The following RALGAPA1 variants were observed in gnomAD, a reference collection of about 807,000 sequenced individuals.
RALGAPA1 encodes the protein Ral GTPase activating protein catalytic subunit alpha 1.
A neutral mutation model predicts 269.6 loss-of-function variants in RALGAPA1; 52 were observed. The ratio of observed to expected loss-of-function variants is 0.19; its 90% CI spans 0.15 to 0.24. The LOEUF (loss-of-function observed/expected upper bound fraction) is 0.24, where lower values mean the gene tolerates loss of function less well. Ranked by LOEUF, RALGAPA1 falls within the 10% of genes least tolerant of loss-of-function variation. RALGAPA1 has a pLI of 1.00. For synonymous variants in RALGAPA1, 817 were observed against 1,008.3 expected (o/e 0.81, Z 3.60); for missense variants, 1,917 against 3,013.9 (o/e 0.64, Z 8.52).
chr14:35,682,443 C>T (rs569726076), intron 21 of RALGAPA1, among the ~76,000 whole-genome samples: 7 of 151,824 alleles, frequency 4.6e-5, no homozygotes, highest in East Asian at 1.9e-4. Context: ...TGGGACTATA[C>T]GCGCCCGCCA....
chr14:35,623,955 CAAGT>C (rs1033200677), intron 35 of RALGAPA1, among the ~76,000 whole-genome samples: 3 of 151,658 alleles, frequency 2.0e-5, no homozygotes, highest in Admixed American at 1.3e-4. Context: ...TGGTGGCGGG[CAAGT>C]GCCTGTAGTC....
intron 1 of RALGAPA1, among the ~76,000 whole-genome samples, chr14:35,802,767 G>C (rs555822259): frequency 6.6e-6 from 1 of 150,476 alleles, no homozygotes; most frequent in Non-Finnish European, 1.5e-5. Flanking sequence ...TTGCAACCTC[G>C]ACCTCCCAGG....
At chr14:35,646,272 G>A (rs186878009) in intron 31 of RALGAPA1, among the ~76,000 whole-genome samples, 25 of 152,248 alleles carry the variant, frequency 1.6e-4, no homozygotes, top group African/African-American at 6.0e-4. Flanking sequence ...TCAAAGTATT[G>A]TCTTACAAAT....
chr14:35,751,970 G>A lies in RALGAPA1; in HGVS notation c.802+54C>T, dbSNP rs984769829. 3 of 1,539,012 alleles carry A rather than the reference G, an allele frequency of 1.9e-6. No homozygotes were observed. The East Asian group carries it at 7.0e-5, about 36-fold the overall frequency. The stretch of plus-strand genomic sequence containing the variant: ...GTAACAAATGCCAACTTTACAGTAA[G>A]AGATTATTTTACTCTTAAGTGTGAT... On this transcript the variant is annotated intron_variant, in intron 8 of 41. Coordinates refer to ENST00000680220, the MANE Select transcript of RALGAPA1 (RefSeq NM_001346249.2).
At chr14:35,663,707 AGCCTCCC>A (rs908881709) in intron 27 of RALGAPA1, among the ~76,000 whole-genome samples, 1 of 150,672 alleles carries the variant, frequency 6.6e-6, no homozygotes, top group African/African-American at 2.5e-5. Flanking sequence ...CTCCTGCCTC[AGCCTCCC>A]GAGTAGCTGG....
At chr14:35,559,177 A>G (rs1313200336) in intron 39 of RALGAPA1, among the ~76,000 whole-genome samples, 1 of 152,196 alleles carries the variant, frequency 6.6e-6, no homozygotes, top group Non-Finnish European at 1.5e-5. Context: ...AAGAAAATGG[A>G]TAGATTTGTG....
Position 35,775,754 on chromosome 14 carries a change from TAA to T in RALGAPA1, c.107-11_107-10del. 1.3e-6 allele frequency: 2 copies of T among 1,519,670 alleles called. No individual in the cohort carries two copies. Among genetic ancestry groups the T allele is most frequent in the Non-Finnish European group, 8.8e-7 (1 of 1,141,046 alleles). 94.1% of individuals were successfully genotyped at this position (1,519,670 alleles called of 1,614,324 possible). ...AATAGATTCTGCATTCTCTGAAAAA[TAA>T]AAAAAAATTACTGATTATTTACATG... On this transcript the variant is annotated splice_polypyrimidine_tract_variant and intron_variant, in intron 1 of 41. Transcript: ENST00000680220.
At chr14:35,791,802 A>G (rs1382685395) in intron 1 of RALGAPA1, among the ~76,000 whole-genome samples, 1 of 146,538 alleles carries the variant, frequency 6.8e-6, no homozygotes, top group Non-Finnish European at 1.5e-5. Flanking sequence ...GCTACTCAGG[A>G]GGCTGAGGCA....
intron 41 of RALGAPA1, among the ~76,000 whole-genome samples, chr14:35,541,317 T>C (rs1017384937): frequency 4.6e-5 from 7 of 152,026 alleles, no homozygotes; most frequent in East Asian, 1.9e-4. Flanking sequence ...AGTGCTGGGA[T>C]TGCAGGCGTG....
intron 16 of RALGAPA1, among the ~76,000 whole-genome samples, chr14:35,708,223 C>T (rs1284686172): frequency 6.6e-6 from 1 of 151,928 alleles, no homozygotes; most frequent in African/African-American, 2.4e-5. Flanking sequence ...AAATAATATC[C>T]CCAGGCAACC....
intron 36 of RALGAPA1, among the ~76,000 whole-genome samples, chr14:35,596,844 G>A (rs2058958233): frequency 6.6e-6 from 1 of 152,046 alleles, no homozygotes; most frequent in South Asian, 2.1e-4. Flanking sequence ...AATATTATCT[G>A]CATATATAAT....
intron 39 of RALGAPA1, among the ~76,000 whole-genome samples, chr14:35,559,660 T>C (rs1054086185): frequency 2.0e-5 from 3 of 152,232 alleles, no homozygotes; most frequent in Non-Finnish European, 4.4e-5. Flanking sequence ...CAGATTGGCA[T>C]ATGTGGACCA....
intron 1 of RALGAPA1, 77 bp downstream of exon 1, chr14:35,808,649 CGAGA>C: frequency 6.8e-7 from 1 of 1,469,952 alleles, no homozygotes; most frequent in Non-Finnish European, 9.3e-7. Flanking sequence ...CGCCAGGTCC[CGAGA>C]GAGAGTCCGC....
chr14:35,681,479 C>T (rs373412898), intron 21 of RALGAPA1, among the ~76,000 whole-genome samples: 4 of 148,980 alleles, frequency 2.7e-5, no homozygotes, highest in Admixed American at 2.6e-4. Context: ...TCTCCATATA[C>T]ATCATTTTAT....
intron 35 of RALGAPA1, among the ~76,000 whole-genome samples, chr14:35,624,026 G>A (rs1464955197): frequency 6.6e-6 from 1 of 151,516 alleles, no homozygotes; most frequent in African/African-American, 2.4e-5. Flanking sequence ...GGCGGAGGTT[G>A]CAGTGAGCCG....
chr14:35,765,642 A>G (rs1295582305), intron 4 of RALGAPA1, among the ~76,000 whole-genome samples: 1 of 152,090 alleles, frequency 6.6e-6, no homozygotes, highest in Admixed American at 6.6e-5. Context: ...ACACAGGTGC[A>G]CACTACCACA....
chr14:35,593,549 G>C (rs2058755117), intron 37 of RALGAPA1, among the ~76,000 whole-genome samples: 2 of 151,872 alleles, frequency 1.3e-5, no homozygotes, highest in Non-Finnish European at 2.9e-5. Context: ...AACACAAAGG[G>C]GCATCATATT....
At chr14:35,611,189 G>A (rs1338225190) in intron 35 of RALGAPA1, among the ~76,000 whole-genome samples, 1 of 150,392 alleles carries the variant, frequency 6.6e-6, no homozygotes, top group Admixed American at 6.6e-5. Context: ...GACTACTTGA[G>A]GCCAAGAGTT....
At chr14:35,666,523 C>A (rs1566955834) in intron 26 of RALGAPA1, among the ~76,000 whole-genome samples, 1 of 152,166 alleles carries the variant, frequency 6.6e-6, no homozygotes. Flanking sequence ...CCATGCCCAG[C>A]CTGGACTGGG....
Sources: allele counts gnomAD v4.1 joint callset (sites outside exome capture counted in the v4.1 genomes callset), GRCh38; gene constraint gnomAD v4.1.1; transcripts MANE v1.5; gene names NCBI Gene and HGNC (gene_info 2026-07-23, HGNC 2026-07-21).